MPV17: variants seen among roughly 807,000 people sequenced by gnomAD.
MPV17 encodes the protein mitochondrial inner membrane protein MPV17, also known as MPV17, mitochondrial inner membrane protein.
Under a neutral mutation model 28.6 loss-of-function variants are expected in MPV17, and 31 were observed. The ratio of observed to expected loss-of-function variants is 1.08; its 90% confidence interval spans 0.81 to 1.46. The LOEUF (loss-of-function observed/expected upper bound fraction) is 1.46. MPV17 is among the 40% of genes most tolerant of loss of function. The pLI is 0.00. For synonymous variants in MPV17, 87 were observed against 85.3 expected (o/e 1.02, Z -0.11); for missense variants, 198 against 216.2 (o/e 0.92, Z 0.53).
intron 2 of MPV17, 26 bp downstream of exon 2, chr2:27,322,422 C>T (rs1679893677): frequency 6.2e-7 from 1 of 1,603,694 alleles, no homozygotes; most frequent in Non-Finnish European, 8.5e-7. Flanking sequence ...GCCCTGGTCC[C>T]ACTCAAGTCC....
rs1679455652 is a variant in MPV17, at chr2:27,311,906, G to A, written c.454C>T (p.His152Tyr). ...GGTAGGGGTGCAACATACCTGTAAT[G>A]AAGGGGGACCAGGTAGAAGTTGGCT... ...QLANFYLVPLHYRLAVVQCVA... is the reference protein window; with the variant it reads ...QLANFYLVPLYYRLAVVQCVA... Residue 152 changes from histidine (H) to tyrosine (Y), a missense_variant, in exon 7 of 8, where the codon CAT becomes TAT. Coordinates refer to ENST00000380044, the MANE Select transcript of MPV17 (RefSeq NM_002437.5). 1.2e-6 allele frequency: 2 copies of A among 1,613,666 alleles called. No homozygotes were observed. Among genetic ancestry groups the A allele is most frequent in the African/African-American group, 2.7e-5 (2 of 74,908 alleles).
chr2:27,316,998 A>G, intron 2 of MPV17: 1 of 1,360,776 alleles, frequency 7.3e-7, no homozygotes, highest in Non-Finnish European at 9.9e-7. Flanking sequence ...CACTAGTGGA[A>G]AAGCCCCAAC....
intron 2 of MPV17, among the ~76,000 whole-genome samples, chr2:27,313,877 A>AT (rs1439498427): frequency 6.6e-6 from 1 of 151,952 alleles, no homozygotes; most frequent in Non-Finnish European, 1.5e-5. Flanking sequence ...ATGCCTGGCT[A>AT]TTTTTTGTAT....
At chr2:27,310,636 T>C (rs955618397) in intron 7 of MPV17, among the ~76,000 whole-genome samples, 1 of 152,270 alleles carries the variant, frequency 6.6e-6, no homozygotes, top group Non-Finnish European at 1.5e-5. Flanking sequence ...CGGACTATCA[T>C]ATAAAGTAGC....
At chr2:27,311,292 C>T (rs548799528) in intron 7 of MPV17, 81 of 382,874 alleles carry the variant, frequency 2.1e-4, no homozygotes, top group African/African-American at 1.6e-3. Context: ...AACTCCTGGA[C>T]TCAAGCAAAC....
At chr2:27,321,518 ATC>A (rs1679857898) in intron 2 of MPV17, among the ~76,000 whole-genome samples, 1 of 152,100 alleles carries the variant, frequency 6.6e-6, no homozygotes, top group East Asian at 1.9e-4. Context: ...CATCACTAGA[ATC>A]CTGTTCCCCT....
chr2:27,316,654 C>T (rs1012284309), intron 2 of MPV17: 5 of 210,378 alleles, frequency 2.4e-5, no homozygotes, highest in Admixed American at 1.1e-4. Context: ...CCCAAACCAC[C>T]CCAGCCTCTG....
intron 2 of MPV17, among the ~76,000 whole-genome samples, chr2:27,315,473 G>T (rs1572547242): frequency 6.6e-6 from 1 of 152,360 alleles, no homozygotes; most frequent in Admixed American, 6.5e-5. Flanking sequence ...GTCTACTTTG[G>T]TAAGGTGTTT....
At chr2:27,322,688 G>A (rs1006147042) in intron 1 of MPV17, 166 bp from the exon 2 acceptor site, 137 of 638,734 alleles carry the variant, frequency 2.1e-4, no homozygotes, top group Non-Finnish European at 3.6e-4. Context: ...CCTGTCGCAG[G>A]AGTCGCCTTA....
At chr2:27,322,567 C>T in intron 1 of MPV17, 45 bp from the exon 2 acceptor site, 2 of 1,540,852 alleles carry the variant, frequency 1.3e-6, no homozygotes, top group Non-Finnish European at 1.8e-6. Flanking sequence ...CGTCCCTCTC[C>T]ACGACTAAGA....
At position 27,310,044 on chromosome 2, in the gene MPV17, T is replaced by G. The variant is rs532307775; in HGVS notation, c.462-63A>C. 19 of 1,283,320 alleles carry G rather than the reference T, an allele frequency of 1.5e-5. No individual in the cohort carries two copies. In the African/African-American group the frequency reaches 2.0e-4, roughly 14 times the overall value. The allele number at this position is 1,283,320 out of a possible 1,614,324, so 79.5% of individuals were successfully genotyped here. A position where few individuals can be genotyped will look rare whatever the true frequency, so the allele number is the denominator to read the frequency against. ...CTAAGCAGTGAGCAAGGGCTGGAGA[T>G]GGGAGCATGAAATGGCAAAGGAGGG... On this transcript the variant is annotated intron_variant, in intron 7 of 7. Coordinates refer to ENST00000380044, the MANE Select transcript of MPV17 (RefSeq NM_002437.5).
chr2:27,312,885 A>G lies in MPV17; in HGVS notation c.186+109T>C, dbSNP rs1046219238. The G allele has an allele frequency of 5.2e-6, 8 of 1,538,698 alleles. No individual in the cohort carries two copies. The African/African-American group carries it at 9.5e-5, about 18-fold the overall frequency. ...TAGGGGAAGTGGACACTAAGAAAAA[A>G]GAGGGCGGCAGGTTGGCTTAGGTGT... On this transcript the variant is annotated intron_variant, in intron 3 of 7. Coordinates refer to ENST00000380044, the MANE Select transcript of MPV17 (RefSeq NM_002437.5).
At chr2:27,313,199 G>C in intron 2 of MPV17, 90 bp from the exon 3 acceptor site, 1 of 1,599,598 alleles carries the variant, frequency 6.3e-7, no homozygotes. Context: ...CTCCACTGAG[G>C]CTCTGGTACT....
chr2:27,318,831 C>G (rs1466155134), intron 2 of MPV17, among the ~76,000 whole-genome samples: 2 of 151,962 alleles, frequency 1.3e-5, no homozygotes, highest in Non-Finnish European at 2.9e-5. Context: ...GTAGCGCAAT[C>G]TCAGCTCACT....
chr2:27,317,053 TCTC>T lies in MPV17; in HGVS notation c.71-3947_71-3945del, dbSNP rs1264628633. The T allele has an allele frequency of 3.3e-6, 5 of 1,535,590 alleles. No homozygotes were observed. In the East Asian group the frequency reaches 7.4e-5, roughly 23 times the overall value. ...GCATGGGCAGGGTAAATTCCCTACT[TCTC>T]CTATTTTGTTCCTCTACTTACTTTT... On this transcript the variant is annotated intron_variant, in intron 2 of 7. Coordinates refer to ENST00000380044, the MANE Select transcript of MPV17 (RefSeq NM_002437.5). The surrounding 1 kb of genome is among the most constrained non-coding windows in gnomAD (Gnocchi z 4.0).
intron 2 of MPV17, among the ~76,000 whole-genome samples, chr2:27,314,394 A>G (rs1679572676): frequency 6.6e-6 from 1 of 152,222 alleles, no homozygotes; most frequent in Non-Finnish European, 1.5e-5. Context: ...GGTTGAGCTG[A>G]TAAGAGTCCC....
At chr2:27,313,285 G>A in intron 2 of MPV17, 176 bp from the exon 3 acceptor site, 1 of 1,405,348 alleles carries the variant, frequency 7.1e-7, no homozygotes, top group Non-Finnish European at 9.7e-7. Context: ...CCTCCCCAAT[G>A]ATGGTGACAC....
At chr2:27,322,614 CTTCCCA>C in intron 1 of MPV17, 92 bp from the exon 2 acceptor site, 1 of 1,001,810 alleles carries the variant, frequency 1.0e-6, no homozygotes. Flanking sequence ...CTCCCTTCCC[CTTCCCA>C]CTTCCAATGT....
intron 2 of MPV17, among the ~76,000 whole-genome samples, chr2:27,318,753 A>ATTTCT (rs1015334737): frequency 6.0e-5 from 9 of 150,990 alleles, no homozygotes; most frequent in Admixed American, 1.3e-4. Context: ...CCTAAAGAGT[A>ATTTCT]TTTCTTTTCT....
Sources: gnomAD v4.1 joint callset for allele counts (sites outside exome capture counted in the v4.1 genomes callset) on GRCh38, gnomAD v4.1.1 for gene constraint, Gnocchi (gnomAD v3.1) non-coding constraint, MANE v1.5 for transcripts, NCBI Gene and HGNC (gene_info 2026-07-23, HGNC 2026-07-21) for gene names.